Variants in ADAMTS16 observed in about 807,000 individuals in gnomAD.
ADAMTS16 encodes the protein ADAM metallopeptidase with thrombospondin type 1 motif 16.
Under a neutral mutation model 145.8 loss-of-function variants are expected in ADAMTS16, and 94 were observed. That is an observed-to-expected ratio of 0.64 (90% CI 0.55 to 0.77). The LOEUF (loss-of-function observed/expected upper bound fraction) is 0.77, where lower values mean the gene tolerates loss of function less well. Ranked by LOEUF, ADAMTS16 falls within the 30% of genes least tolerant of loss-of-function variation. ADAMTS16 has a pLI of 0.00. For missense variants in ADAMTS16, 1,585 were observed against 1,591.5 expected, an observed-to-expected ratio of 1.00 and a Z score of 0.07; for synonymous variants, 659 against 604.3, an observed-to-expected ratio of 1.09 and a Z score of -1.33.
At chr5:5,206,156 G>A (rs1322863856) in intron 9 of ADAMTS16, among the ~76,000 whole-genome samples, 2 of 151,768 alleles carry the variant, frequency 1.3e-5, no homozygotes, top group Non-Finnish European at 2.9e-5. Context: ...GCCGGGCGCG[G>A]TGGCTCACGG....
At chr5:5,215,732 GTA>G (rs1277379881) in intron 10 of ADAMTS16, among the ~76,000 whole-genome samples, 23 of 135,418 alleles carry the variant, frequency 1.7e-4, no homozygotes, top group South Asian at 4.7e-4. Flanking sequence ...TATATATGTG[GTA>G]TATATATATA....
chr5:5,207,391 T>C (rs1417748799), intron 9 of ADAMTS16, among the ~76,000 whole-genome samples: 1 of 152,224 alleles, frequency 6.6e-6, no homozygotes, highest in Non-Finnish European at 1.5e-5. Context: ...ATTAAGCTTT[T>C]ATCCTGCAAC....
intron 3 of ADAMTS16, among the ~76,000 whole-genome samples, chr5:5,146,745 CT>C (rs1472769471): frequency 2.6e-5 from 4 of 152,182 alleles, no homozygotes; most frequent in Admixed American, 2.0e-4. Flanking sequence ...AATCTGAATT[CT>C]TTAGCTTCTT....
At chr5:5,287,680 C>T (rs941210680) in intron 18 of ADAMTS16, among the ~76,000 whole-genome samples, 3 of 152,154 alleles carry the variant, frequency 2.0e-5, no homozygotes, top group Admixed American at 6.5e-5. Context: ...ATTTCACGGA[C>T]GGTGTCAGCT....
At chr5:5,220,238 C>T (rs369333846) in intron 10 of ADAMTS16, among the ~76,000 whole-genome samples, 3 of 148,756 alleles carry the variant, frequency 2.0e-5, no homozygotes, top group Admixed American at 6.8e-5. Context: ...CGGCTCACTG[C>T]GACCTCTAAC....
At chr5:5,204,686 G>T (rs1341123418) in intron 9 of ADAMTS16, among the ~76,000 whole-genome samples, 1 of 152,238 alleles carries the variant, frequency 6.6e-6, no homozygotes, top group Non-Finnish European at 1.5e-5. Flanking sequence ...TCATTCTGTT[G>T]GTGATAGACA....
rs764259670 is a variant in ADAMTS16, at chr5:5,186,206, T to C, written c.918T>C (p.His306=). ...TCGACAAAAAGATGATGCAAAACCA[T>C]GGCCATGAAAATATCACCACCTACG... ...VVVDKKMMQN[H]GHENITTYVL... The change falls in exon 5 of 23, where the codon CAT becomes CAC. Residue 306 remains histidine, a synonymous_variant. Transcript: ENST00000274181. 6 of 1,613,944 alleles carry C rather than the reference T, an allele frequency of 3.7e-6. No homozygotes were observed. Among genetic ancestry groups the C allele is most frequent in the South Asian group, 2.2e-5 (2 of 91,076 alleles).
chr5:5,215,796 GTATATATATGTGTGGTA>G (rs1251725674), intron 10 of ADAMTS16, among the ~76,000 whole-genome samples: 1 of 113,900 alleles, frequency 8.8e-6, no homozygotes, highest in Non-Finnish European at 1.7e-5. Flanking sequence ...TATATGTGTG[GTATATATATGTGTGGTA>G]TATATATGTG....
chr5:5,240,647 C>A (rs1737260188), intron 16 of ADAMTS16, among the ~76,000 whole-genome samples: 1 of 152,128 alleles, frequency 6.6e-6, no homozygotes, highest in Non-Finnish European at 1.5e-5. Context: ...CACCTGGATA[C>A]CCCCACCTGT....
At chr5:5,188,557 G>A (rs951730535) in intron 6 of ADAMTS16, among the ~76,000 whole-genome samples, 1 of 152,178 alleles carries the variant, frequency 6.6e-6, no homozygotes, top group Non-Finnish European at 1.5e-5. Context: ...AGGAGAGTGG[G>A]TACTGGACAG....
intron 11 of ADAMTS16, among the ~76,000 whole-genome samples, chr5:5,224,219 G>T (rs1736688041): frequency 6.6e-6 from 1 of 151,802 alleles, no homozygotes. Flanking sequence ...CTAATTCATT[G>T]AATTCTACTA....
At position 5,209,247 on chromosome 5, in the gene ADAMTS16, G is replaced by T; in HGVS notation, c.1605+1G>T. The T allele has an allele frequency of 6.2e-7, 1 of 1,613,398 alleles. No homozygotes were observed. Among genetic ancestry groups the T allele is most frequent in the Non-Finnish European group, 8.5e-7 (1 of 1,179,642 alleles). ...GCTCTGCATGCTGGACTTTAAAAAGGCAAGTGATTATTGGCACATGCTCAA... is the reference window on the plus strand; with the variant it reads ...GCTCTGCATGCTGGACTTTAAAAAGTCAAGTGATTATTGGCACATGCTCAA... On this transcript the variant is annotated splice_donor_variant, in intron 10 of 22. Coordinates refer to ENST00000274181, the MANE Select transcript of ADAMTS16 (RefSeq NM_139056.4). LOFTEE classifies it high-confidence loss of function.
intron 17 of ADAMTS16, among the ~76,000 whole-genome samples, chr5:5,245,043 T>G (rs1737398826): frequency 6.6e-6 from 1 of 152,218 alleles, no homozygotes; most frequent in Admixed American, 6.5e-5. Flanking sequence ...ATTACTCAAT[T>G]TTAAGTGGTT....
chr5:5,153,484 TA>T (rs1734524956), intron 3 of ADAMTS16, among the ~76,000 whole-genome samples: 1 of 152,204 alleles, frequency 6.6e-6, no homozygotes, highest in Non-Finnish European at 1.5e-5. Context: ...TGGGTATTAA[TA>T]AAGGTAAAAT....
At chr5:5,273,057 G>T (rs932466870) in intron 18 of ADAMTS16, among the ~76,000 whole-genome samples, 1 of 152,154 alleles carries the variant, frequency 6.6e-6, no homozygotes, top group Non-Finnish European at 1.5e-5. Flanking sequence ...CCTCTCTGCT[G>T]AGAGAGAGCC....
chr5:5,220,996 C>T (rs572665231), intron 10 of ADAMTS16, among the ~76,000 whole-genome samples: 136 of 152,210 alleles, frequency 8.9e-4, no homozygotes, highest in African/African-American at 3.1e-3. Context: ...GGTCTCTACG[C>T]CCCATCGGTC....
chr5:5,274,082 C>A (rs953841204), intron 18 of ADAMTS16, among the ~76,000 whole-genome samples: 1 of 152,076 alleles, frequency 6.6e-6, no homozygotes, highest in African/African-American at 2.4e-5. Context: ...TTCATGGCAA[C>A]ATTAAGCAGA....
chr5:5,198,419 C>A (rs1274431897), intron 8 of ADAMTS16, among the ~76,000 whole-genome samples: 1 of 152,142 alleles, frequency 6.6e-6, no homozygotes, highest in Non-Finnish European at 1.5e-5. Context: ...TGCAGAAATT[C>A]AGCAGTATTT....
intron 18 of ADAMTS16, among the ~76,000 whole-genome samples, chr5:5,273,710 A>C (rs1055569043): frequency 2.6e-5 from 4 of 152,196 alleles, no homozygotes; most frequent in Non-Finnish European, 2.9e-5. Flanking sequence ...GCACCAAAAC[A>C]ATGAGCTTGA....
Sources: allele counts gnomAD v4.1 joint callset (sites outside exome capture counted in the v4.1 genomes callset), GRCh38; gene constraint gnomAD v4.1.1; transcripts MANE v1.5; gene names NCBI Gene and HGNC (gene_info 2026-07-23, HGNC 2026-07-21).